The following EFL1 variants were observed in gnomAD, a reference collection of about 807,000 sequenced individuals.
EFL1 encodes elongation factor-like GTPase 1.
In EFL1, 76 loss-of-function variants were observed where a neutral mutation model predicts 126.7. The observed-to-expected ratio is 0.60, with a 90% CI of 0.50 to 0.73. EFL1 has a LOEUF of 0.73. Ranked by LOEUF, EFL1 falls within the 30% of genes least tolerant of loss-of-function variation. The pLI is 0.00. For missense variants in EFL1, 1,128 were observed against 1,343.2 expected (o/e 0.84, Z 2.50); for synonymous variants, 410 against 448.4 (o/e 0.91, Z 1.08).
chr15:82,253,836 G>A (rs2075044895), intron 3 of EFL1, among the ~76,000 whole-genome samples: 1 of 152,120 alleles, frequency 6.6e-6, no homozygotes, highest in Non-Finnish European at 1.5e-5. Flanking sequence ...TGACAGTGGT[G>A]TCGTTTAAAT....
intron 3 of EFL1, among the ~76,000 whole-genome samples, chr15:82,256,836 T>C (rs746521655): frequency 6.6e-6 from 1 of 152,220 alleles, no homozygotes; most frequent in African/African-American, 2.4e-5. Flanking sequence ...ATATGAATAA[T>C]CATCTTTTTA....
At chr15:82,249,120 T>A (rs1251069526) in intron 4 of EFL1, among the ~76,000 whole-genome samples, 1 of 152,056 alleles carries the variant, frequency 6.6e-6, no homozygotes, top group South Asian at 2.1e-4. Context: ...TACTGTATAT[T>A]CTATAACACA....
chr15:82,133,364 T>C (rs2073680610), intron 19 of EFL1, among the ~76,000 whole-genome samples: 1 of 152,188 alleles, frequency 6.6e-6, no homozygotes, highest in Non-Finnish European at 1.5e-5. Flanking sequence ...TATATGAAAG[T>C]CATATGGTAA....
At chr15:82,138,986 C>T in intron 18 of EFL1, 144 bp from the exon 19 acceptor site, 1 of 802,420 alleles carries the variant, frequency 1.2e-6, no homozygotes, top group East Asian at 3.0e-5. Context: ...GCAAGGAACA[C>T]TTTTTAAGTG....
At chr15:82,159,007 G>C (rs925281667) in intron 16 of EFL1, among the ~76,000 whole-genome samples, 1 of 152,218 alleles carries the variant, frequency 6.6e-6, no homozygotes, top group Non-Finnish European at 1.5e-5. Context: ...CATGCTCTGC[G>C]GATGGATGTC....
intron 19 of EFL1, among the ~76,000 whole-genome samples, chr15:82,138,221 G>A (rs907386730): frequency 2.0e-5 from 3 of 152,012 alleles, no homozygotes; most frequent in African/African-American, 7.2e-5. Flanking sequence ...GCTACCCCTT[G>A]CAAGAAGTGT....
At chr15:82,140,143 C>T (rs552914597) in intron 18 of EFL1, among the ~76,000 whole-genome samples, 2 of 152,308 alleles carry the variant, frequency 1.3e-5, no homozygotes, top group East Asian at 1.9e-4. Context: ...AAAGGCACCC[C>T]CTTTCCTCTT....
chr15:82,149,473 TA>T (rs1361827642), intron 18 of EFL1, among the ~76,000 whole-genome samples: 1 of 152,164 alleles, frequency 6.6e-6, no homozygotes, highest in African/African-American at 2.4e-5. Context: ...TAAATTTCAT[TA>T]AAAGAAGAAT....
intron 15 of EFL1, among the ~76,000 whole-genome samples, chr15:82,177,040 A>T (rs2074202261): frequency 6.6e-6 from 1 of 152,210 alleles, no homozygotes; most frequent in Non-Finnish European, 1.5e-5. Flanking sequence ...GCTTAAAATC[A>T]GGTAAATCTA....
At chr15:82,133,255 G>A (rs555720436) in intron 19 of EFL1, among the ~76,000 whole-genome samples, 2 of 152,314 alleles carry the variant, frequency 1.3e-5, no homozygotes, top group South Asian at 4.1e-4. Flanking sequence ...AGCCCTACTT[G>A]CTTAAACAAT....
intron 15 of EFL1, among the ~76,000 whole-genome samples, chr15:82,182,215 C>A (rs941646745): frequency 5.9e-5 from 9 of 152,158 alleles, no homozygotes; most frequent in Admixed American, 1.3e-4. Context: ...TGAGATCATG[C>A]CACTGCACTC....
chr15:82,210,745 G>C (rs1441721997), intron 15 of EFL1, among the ~76,000 whole-genome samples: 2 of 151,636 alleles, frequency 1.3e-5, no homozygotes, highest in Non-Finnish European at 1.5e-5. Context: ...GCTTGTAATC[G>C]CAGCTACTCG....
chr15:82,207,517 T>C (rs1470972857), intron 15 of EFL1, among the ~76,000 whole-genome samples: 1 of 152,010 alleles, frequency 6.6e-6, no homozygotes, highest in African/African-American at 2.4e-5. Context: ...ATAGGAAGTA[T>C]GATTTTTAAA....
intron 4 of EFL1, among the ~76,000 whole-genome samples, chr15:82,244,615 G>T (rs1210462169): frequency 6.6e-6 from 1 of 151,966 alleles, no homozygotes; most frequent in Non-Finnish European, 1.5e-5. Flanking sequence ...TGTTCCAGGG[G>T]GCTGAAAAAA....
chr15:82,185,702 G>A (rs531001573), intron 15 of EFL1, among the ~76,000 whole-genome samples: 2 of 152,094 alleles, frequency 1.3e-5, no homozygotes, highest in East Asian at 3.9e-4. Context: ...TACATATAAG[G>A]TAGTGTTCAA....
chr15:82,184,979 A>G (rs1380699717), intron 15 of EFL1, among the ~76,000 whole-genome samples: 2 of 152,240 alleles, frequency 1.3e-5, no homozygotes, highest in African/African-American at 4.8e-5. Flanking sequence ...TCATTTCCCC[A>G]GACTGTGCTA....
chr15:82,194,778 G>C (rs1348062642), intron 15 of EFL1, among the ~76,000 whole-genome samples: 3 of 152,174 alleles, frequency 2.0e-5, no homozygotes, highest in East Asian at 1.9e-4. Context: ...TACTCAAAAA[G>C]ATAGATGAAG....
chr15:82,191,157 C>T (rs903000551), intron 15 of EFL1, among the ~76,000 whole-genome samples: 1 of 152,066 alleles, frequency 6.6e-6, no homozygotes, highest in African/African-American at 2.4e-5. Context: ...CCTACTTTTC[C>T]CTACAAATAC....
Position 82,163,884 on chromosome 15 carries a change from A to G in EFL1, c.1851T>C (p.Ile617=), listed in dbSNP as rs746464703. 2.5e-6 allele frequency: 4 copies of G among 1,614,176 alleles called. No individual in the cohort carries two copies. The Admixed American group carries it at 6.7e-5, about 27-fold the overall frequency. Residue 617 remains isoleucine (I), a synonymous_variant, in exon 16 of 20, where the codon ATT becomes ATC. Transcript: ENST00000268206. ...GTTTTGGTTCAACAGCAACTCTCAC[A>G]ATAGGAGTGGCTTCGAAGTTGAGTG... is the stretch of plus-strand genomic sequence containing the variant. ...FIPLNFEATP[I]VRVAVEPKHP... is the part of the protein sequence containing the mutation.
Sources: gnomAD v4.1 joint callset for allele counts (sites outside exome capture counted in the v4.1 genomes callset) on GRCh38, gnomAD v4.1.1 for gene constraint, MANE v1.5 for transcripts, NCBI Gene and HGNC (gene_info 2026-07-23, HGNC 2026-07-21) for gene names.